The following MOB1B variants were observed in gnomAD, a reference collection of about 807,000 sequenced individuals.
The protein encoded by MOB1B is MOB kinase activator 1B.
In MOB1B, 19 loss-of-function variants were observed where a neutral mutation model predicts 24.4. The ratio of observed to expected loss-of-function variants is 0.78; its 90% CI spans 0.54 to 1.14. MOB1B has a LOEUF of 1.14. MOB1B is among the 50% of genes most tolerant of loss of function. The probability of loss-of-function intolerance (pLI) is 0.00; values close to 1 mark genes in which losing one functional copy is unlikely to be tolerated. For missense variants in MOB1B, 243 were observed against 259.6 expected (o/e 0.94, Z 0.44); for synonymous variants, 76 against 82.1 (o/e 0.93, Z 0.40).
At chr4:70,942,248 A>G (rs977036745) in intron 1 of MOB1B, among the ~76,000 whole-genome samples, 2 of 152,146 alleles carry the variant, frequency 1.3e-5, no homozygotes, top group African/African-American at 2.4e-5. Flanking sequence ...TATTACCAAT[A>G]TCTTCTAGTG....
intron 1 of MOB1B, among the ~76,000 whole-genome samples, chr4:70,916,289 C>T (rs563800614): frequency 6.6e-6 from 1 of 152,192 alleles, no homozygotes; most frequent in Non-Finnish European, 1.5e-5. Flanking sequence ...TCATAGGTTA[C>T]GGTGTCCTCA....
intron 3 of MOB1B, among the ~76,000 whole-genome samples, chr4:70,972,820 C>G (rs1013247082): frequency 3.3e-5 from 5 of 152,120 alleles, no homozygotes; most frequent in Non-Finnish European, 7.4e-5. Flanking sequence ...TTCACCCAGG[C>G]CGGAGTGCAG....
chr4:70,979,314 T>C, intron 5 of MOB1B, 23 bp downstream of exon 5: 1 of 1,593,836 alleles, frequency 6.3e-7, no homozygotes, highest in Non-Finnish European at 8.6e-7. Flanking sequence ...AGGAGGCCTT[T>C]GGTGCTCAGG....
At chr4:70,914,746 G>T (rs1056849623) in intron 1 of MOB1B, among the ~76,000 whole-genome samples, 1 of 152,128 alleles carries the variant, frequency 6.6e-6, no homozygotes. Flanking sequence ...TCATTCTCAG[G>T]TAGTTGTTTG....
intron 2 of MOB1B, among the ~76,000 whole-genome samples, chr4:70,961,699 T>C (rs944295077): frequency 6.6e-6 from 1 of 152,218 alleles, no homozygotes; most frequent in African/African-American, 2.4e-5. Flanking sequence ...AAGTGTTGGA[T>C]TTAAAATTTT....
intron 1 of MOB1B, among the ~76,000 whole-genome samples, chr4:70,927,974 A>G (rs112889403): frequency 1.8e-4 from 28 of 152,090 alleles, no homozygotes; most frequent in African/African-American, 6.5e-4. Flanking sequence ...GCTTTGCTCC[A>G]TCTTTCTGCC....
At chr4:70,940,925 G>A (rs954026176) in intron 1 of MOB1B, among the ~76,000 whole-genome samples, 1 of 151,668 alleles carries the variant, frequency 6.6e-6, no homozygotes, top group Non-Finnish European at 1.5e-5. Flanking sequence ...CGCCCGCCTC[G>A]GCCTCTCAAA....
At position 70,976,631 on chromosome 4, in the gene MOB1B, G is replaced by GA. The variant is rs951461833; in HGVS notation, c.409+1354dup. The GA allele has an allele frequency of 1.0e-3, 983 of 937,716 alleles. 1 individual carries two copies. Among genetic ancestry groups the GA allele is most frequent in the South Asian group, 1.7e-3 (34 of 20,494 alleles). 58.1% of individuals were successfully genotyped at this position (937,716 alleles called of 1,614,324 possible). ...TTTTTGACATTTTACGATTTTTTTT[G>GA]AAAAAAAAATGTGACAACAATATAA... On this transcript the variant is annotated intron_variant, in intron 4 of 5. Transcript: ENST00000309395.
In MOB1B at chr4:70,984,171, G is replaced by T. The variant is rs6842838; in HGVS notation, c.*2114G>T. On this transcript the variant is annotated 3_prime_UTR_variant, in exon 6 of 6. Transcript: ENST00000309395. ...AGTAAGACCTACTTTCCCACTATAT[G>T]TAGATAGTTTGTTTTCACTGTGCCA... 0.81 allele frequency: 123,068 copies of T among 152,454 alleles called. 53,133 individuals are homozygous for T. The highest frequency in any genetic ancestry group is 0.96 in the Non-Finnish European group (64,917 of 67,972). 9.4% of individuals were successfully genotyped at this position (152,454 alleles called of 1,614,324 possible).
rs896322702 is a variant in MOB1B, at chr4:70,913,473, T to C, written c.14+10923T>C. Reference sequence around the variant, plus strand: ...CGCCACACCCCGCTAATTTTTAAATTTTTTGTAGAGACAGCCCACATTGCC... The same window carrying C: ...CGCCACACCCCGCTAATTTTTAAATCTTTTGTAGAGACAGCCCACATTGCC... On this transcript the variant is annotated intron_variant, in intron 1 of 5. Coordinates refer to ENST00000309395, the MANE Select transcript of MOB1B (RefSeq NM_173468.4). Among the ~76,000 whole-genome samples, 6 of 152,036 alleles carry C rather than the reference T, an allele frequency of 3.9e-5. No individual in the cohort carries two copies. In the East Asian group the frequency reaches 9.7e-4, roughly 25 times the overall value.
Position 70,969,241 on chromosome 4 carries a change from C to T in MOB1B, c.182-690C>T, listed in dbSNP as rs576017634. ...GACTTCCTCGGCTCAAGGAATCCTC[C>T]CACCTCACCCTCCTGTGTAGCTGGA... On this transcript the variant is annotated intron_variant, in intron 2 of 5. Transcript: ENST00000309395. Among the ~76,000 whole-genome samples the T allele has an allele frequency of 6.8e-4, 104 of 152,264 alleles. 1 individual carries two copies. The highest frequency in any genetic ancestry group is 2.4e-3 in the African/African-American group (100 of 41,542).
At chr4:70,927,788 T>G (rs1471970818) in intron 1 of MOB1B, among the ~76,000 whole-genome samples, 1 of 152,042 alleles carries the variant, frequency 6.6e-6, no homozygotes, top group African/African-American at 2.4e-5. Context: ...CTTCCTGTAG[T>G]TCACTTGGGC....
At chr4:70,936,435 C>A (rs1348421869) in intron 1 of MOB1B, among the ~76,000 whole-genome samples, 1 of 152,176 alleles carries the variant, frequency 6.6e-6, no homozygotes, top group African/African-American at 2.4e-5. Flanking sequence ...GTCTTGAACT[C>A]CTGGCCTCAA....
At chr4:70,908,477 T>TAATGACA (rs1461027025) in intron 1 of MOB1B, among the ~76,000 whole-genome samples, 12 of 151,428 alleles carry the variant, frequency 7.9e-5, no homozygotes, top group Admixed American at 6.6e-4. Context: ...TTGTCATTCT[T>TAATGACA]AAGATTAGCA....
At chr4:70,902,253 G>A (rs946290460), upstream of MOB1B, 37 of 559,650 alleles carry the variant, frequency 6.6e-5, no homozygotes, top group African/African-American at 6.9e-4. Flanking sequence ...TCGTGAGGTG[G>A]GGGCGGCGGG....
At chr4:70,961,889 G>C (rs1317737790) in intron 2 of MOB1B, among the ~76,000 whole-genome samples, 1 of 152,040 alleles carries the variant, frequency 6.6e-6, no homozygotes, top group Non-Finnish European at 1.5e-5. Context: ...TAATTACTTA[G>C]CTAATACAGG....
intron 1 of MOB1B, among the ~76,000 whole-genome samples, chr4:70,936,140 C>G (rs1019995748): frequency 5.3e-5 from 8 of 151,838 alleles, no homozygotes; most frequent in Non-Finnish European, 7.4e-5. Context: ...TGTGAGCCAC[C>G]GCGCCCGGCC....
chr4:70,929,835 C>T (rs1196436918), intron 1 of MOB1B, among the ~76,000 whole-genome samples: 1 of 151,710 alleles, frequency 6.6e-6, no homozygotes, highest in Non-Finnish European at 1.5e-5. Flanking sequence ...TTAGTAGAGA[C>T]GGGGTTTCGC....
chr4:70,975,135 T>C lies in MOB1B; in HGVS notation c.276-18T>C, dbSNP rs971113584. The C allele has an allele frequency of 6.3e-7, 1 of 1,578,514 alleles. No individual in the cohort carries two copies. The highest frequency in any genetic ancestry group is 8.6e-7 in the Non-Finnish European group (1 of 1,166,444). On this transcript the variant is annotated intron_variant, in intron 3 of 5. Transcript: ENST00000309395. ...GTATATACTAATCTTCTGTGTGCTT[T>C]TTATCTCTCCAATGCAGATATGAGT...
Sources: allele counts gnomAD v4.1 joint callset (sites outside exome capture counted in the v4.1 genomes callset), GRCh38; gene constraint gnomAD v4.1.1; transcripts MANE v1.5; gene names NCBI Gene and HGNC (gene_info 2026-07-23, HGNC 2026-07-21).